RNF216: variants seen among roughly 807,000 people sequenced by gnomAD.
The protein encoded by RNF216 is E3 ubiquitin-protein ligase RNF216.
Under a neutral mutation model 110.8 loss-of-function variants are expected in RNF216, and 72 were observed. The observed-to-expected ratio is 0.65, with a 90% CI of 0.54 to 0.79. RNF216 has a LOEUF of 0.79. Ranked by LOEUF, RNF216 falls within the 30% of genes least tolerant of loss-of-function variation. The pLI, the probability that RNF216 is intolerant of heterozygous loss-of-function variation, is 0.00. For missense variants in RNF216, 1,342 were observed against 1,141.2 expected (o/e 1.18, Z -2.54); for synonymous variants, 495 against 407.5 (o/e 1.21, Z -2.59).
At chr7:5,639,277 C>A (rs1787586876) in intron 15 of RNF216, among the ~76,000 whole-genome samples, 1 of 152,150 alleles carries the variant, frequency 6.6e-6, no homozygotes, top group Admixed American at 6.5e-5. Flanking sequence ...CTCATGTGAT[C>A]CTTGGCTATG....
intron 13 of RNF216, among the ~76,000 whole-genome samples, chr7:5,661,605 C>G (rs748708055): frequency 6.6e-6 from 1 of 152,102 alleles, no homozygotes; most frequent in African/African-American, 2.4e-5. Flanking sequence ...GAGTTTGAGA[C>G]CAGCCTGGCC....
intron 5 of RNF216, among the ~76,000 whole-genome samples, chr7:5,733,526 T>TA (rs1440141238): frequency 6.6e-6 from 1 of 152,160 alleles, no homozygotes; most frequent in Non-Finnish European, 1.5e-5. Context: ...GTTAAACTGT[T>TA]AAAAAATACT....
At chr7:5,687,393 TCAAAAAA>T (rs1791055143) in intron 13 of RNF216, among the ~76,000 whole-genome samples, 1 of 33,522 alleles carries the variant, frequency 3.0e-5, no homozygotes, top group Admixed American at 3.7e-4. Context: ...AAACTCCACC[TCAAAAAA>T]AAAAAAAAAA....
At chr7:5,747,837 G>A (rs994702589) in intron 3 of RNF216, among the ~76,000 whole-genome samples, 3 of 151,274 alleles carry the variant, frequency 2.0e-5, no homozygotes, top group African/African-American at 7.3e-5. Context: ...GAAGTATAGT[G>A]GCACAATCAT....
chr7:5,623,994 CAGCAGA>C, intron 16 of RNF216, 56 bp downstream of exon 16: 1 of 1,453,108 alleles, frequency 6.9e-7, no homozygotes, highest in South Asian at 1.2e-5. Flanking sequence ...TCAGGGAGGC[CAGCAGA>C]AGCCTGCATG....
intron 3 of RNF216, among the ~76,000 whole-genome samples, chr7:5,748,651 CACACACAT>C (rs1471362289): frequency 4.7e-4 from 67 of 142,590 alleles, no homozygotes; most frequent in African/African-American, 1.7e-3. Context: ...CACACACACA[CACACACAT>C]AATATACTAA....
At chr7:5,762,535 T>C (rs1273983156) in intron 1 of RNF216, among the ~76,000 whole-genome samples, 1 of 151,326 alleles carries the variant, frequency 6.6e-6, no homozygotes, top group African/African-American at 2.4e-5. Flanking sequence ...ATAATAAAAA[T>C]ACAAAAATTA....
chr7:5,708,309 A>T (rs1429199733), intron 13 of RNF216, among the ~76,000 whole-genome samples: 1 of 152,228 alleles, frequency 6.6e-6, no homozygotes, highest in Non-Finnish European at 1.5e-5. Context: ...GGTGGTGCTA[A>T]CAATGATTGA....
At chr7:5,775,950 C>T (rs1436511212) in intron 1 of RNF216, among the ~76,000 whole-genome samples, 5 of 152,068 alleles carry the variant, frequency 3.3e-5, no homozygotes, top group Non-Finnish European at 5.9e-5. Flanking sequence ...ACCAGGCCTC[C>T]ACAATACCTC....
intron 13 of RNF216, among the ~76,000 whole-genome samples, chr7:5,681,086 A>C (rs1790623144): frequency 6.6e-6 from 1 of 151,800 alleles, no homozygotes; most frequent in African/African-American, 2.4e-5. Flanking sequence ...CTGTGTTCTT[A>C]CCTCAACAGC....
intron 13 of RNF216, among the ~76,000 whole-genome samples, chr7:5,685,717 C>T (rs1790936086): frequency 6.6e-6 from 1 of 152,240 alleles, no homozygotes; most frequent in African/African-American, 2.4e-5. Context: ...CATGGCAAGT[C>T]ACCAGCACTG....
At chr7:5,763,068 A>T (rs180714044) in intron 1 of RNF216, among the ~76,000 whole-genome samples, 1 of 152,304 alleles carries the variant, frequency 6.6e-6, no homozygotes, top group African/African-American at 2.4e-5. Context: ...TGGGGATAGG[A>T]AACAGAGAAA....
chr7:5,645,553 T>C (rs1302340983), intron 14 of RNF216, among the ~76,000 whole-genome samples: 1 of 152,184 alleles, frequency 6.6e-6, no homozygotes, highest in Non-Finnish European at 1.5e-5. Flanking sequence ...ATCTCAGCTA[T>C]TGTAATTTTG....
chr7:5,676,198 G>C (rs1206431957), intron 13 of RNF216, among the ~76,000 whole-genome samples: 1 of 151,902 alleles, frequency 6.6e-6, no homozygotes, highest in East Asian at 1.9e-4. Context: ...TTTTAGGAGA[G>C]ATAGGGTTTT....
rs1225384618 is a variant in RNF216, at chr7:5,696,330, G to C, written c.2061+15431C>G. On this transcript the variant is annotated intron_variant, in intron 13 of 16. Coordinates refer to ENST00000389902, the MANE Select transcript of RNF216 (RefSeq NM_207111.4). The surrounding 1 kb of genome is among the most constrained non-coding windows in gnomAD (Gnocchi z 5.4). The stretch of plus-strand genomic sequence containing the variant: ...AGAGAAATTAAGCTGATCTGAGTGA[G>C]AGAAATTAAGCTTATTCGACATGCC... 6.6e-6 allele frequency among the ~76,000 whole-genome samples: 1 copy of C among 152,236 alleles called. No homozygotes were observed. Among genetic ancestry groups the C allele is most frequent in the East Asian group, 1.9e-4 (1 of 5,196 alleles).
chr7:5,779,455 C>T (rs572494201), intron 1 of RNF216, among the ~76,000 whole-genome samples: 2 of 152,200 alleles, frequency 1.3e-5, no homozygotes, highest in East Asian at 1.9e-4. Context: ...AAGGCAAAGC[C>T]AGGCCATGTA....
intron 13 of RNF216, among the ~76,000 whole-genome samples, chr7:5,694,974 G>C (rs936514003): frequency 6.6e-6 from 1 of 152,154 alleles, no homozygotes; most frequent in African/African-American, 2.4e-5. Context: ...CACCAACTAA[G>C]AACTGTATTT....
chr7:5,778,768 G>C (rs1160993735), intron 1 of RNF216, among the ~76,000 whole-genome samples: 1 of 152,128 alleles, frequency 6.6e-6, no homozygotes, highest in African/African-American at 2.4e-5. Flanking sequence ...TTTTGAGACG[G>C]AGTCTCGCTC....
intron 1 of RNF216, among the ~76,000 whole-genome samples, chr7:5,778,949 G>A (rs1015517077): frequency 2.6e-5 from 4 of 152,162 alleles, no homozygotes; most frequent in African/African-American, 9.7e-5. Flanking sequence ...TCACCATGTT[G>A]GCCAGGCTGG....
Sources: gnomAD v4.1 joint callset for allele counts (sites outside exome capture counted in the v4.1 genomes callset) on GRCh38, gnomAD v4.1.1 for gene constraint, Gnocchi (gnomAD v3.1) non-coding constraint, MANE v1.5 for transcripts, NCBI Gene and HGNC (gene_info 2026-07-23, HGNC 2026-07-21) for gene names.